TNIK: variants seen among roughly 807,000 people sequenced by gnomAD.
TNIK encodes the protein TRAF2 and NCK interacting kinase.
A neutral mutation model predicts 191.3 loss-of-function variants in TNIK; 49 were observed. That is an observed-to-expected ratio of 0.26 (90% CI 0.20 to 0.32). The LOEUF is 0.32. Among genes scored for constraint, TNIK ranks in the 10% least tolerant of loss-of-function variants. The probability of loss-of-function intolerance (pLI) is 1.00; values close to 1 mark genes in which losing one functional copy is unlikely to be tolerated. For missense variants in TNIK, 1,155 were observed against 1,702.3 expected (o/e 0.68, Z 5.66); for synonymous variants, 594 against 600.9 (o/e 0.99, Z 0.17).
At chr3:171,302,591 T>C (rs1335063477) in intron 2 of TNIK, among the ~76,000 whole-genome samples, 2 of 152,312 alleles carry the variant, frequency 1.3e-5, no homozygotes, top group East Asian at 3.9e-4. Flanking sequence ...TAAAATTTTC[T>C]TTTGAATTAT....
chr3:171,391,528 T>C (rs1416213409), intron 1 of TNIK, among the ~76,000 whole-genome samples: 1 of 152,198 alleles, frequency 6.6e-6, no homozygotes, highest in Non-Finnish European at 1.5e-5. Context: ...CTGTAATAAA[T>C]CTTATCTTTC....
intron 2 of TNIK, among the ~76,000 whole-genome samples, chr3:171,237,971 C>T (rs968269971): frequency 1.7e-4 from 26 of 152,168 alleles, no homozygotes; most frequent in African/African-American, 6.0e-4. Context: ...CATTCTTTAA[C>T]AGTCCCATTA....
chr3:171,409,686 C>T (rs1722140074), intron 1 of TNIK, among the ~76,000 whole-genome samples: 1 of 150,686 alleles, frequency 6.6e-6, no homozygotes, highest in South Asian at 2.1e-4. Flanking sequence ...AATGAAACCT[C>T]ATTCCCGTCC....
At chr3:171,311,269 C>T (rs1027842087) in intron 2 of TNIK, among the ~76,000 whole-genome samples, 2 of 151,540 alleles carry the variant, frequency 1.3e-5, no homozygotes, top group Admixed American at 6.6e-5. Context: ...AATAGTTTTG[C>T]GCGAAGTATT....
rs746453154 is a variant in TNIK at position 171,082,140 on chromosome 3, T to C, written c.3313+111A>G. ...TCACTCTGGCTATACTGCTATACTT[T>C]ATTGTGTTGTTTGTTAGCTGGGAAG... On this transcript the variant is annotated intron_variant, in intron 27 of 32. Coordinates refer to ENST00000436636, the MANE Select transcript of TNIK (RefSeq NM_015028.4). 3.0e-4 allele frequency: 420 copies of C among 1,414,388 alleles called. 2 individuals are homozygous for C. Among genetic ancestry groups the C allele is most frequent in the Middle Eastern group, 2.2e-4 (1 of 4,558 alleles). The allele number at this position is 1,414,388 out of a possible 1,614,324, so 87.6% of individuals were successfully genotyped here.
intron 27 of TNIK, among the ~76,000 whole-genome samples, 169 bp from the exon 28 acceptor site, chr3:171,079,821 G>C (rs907123053): frequency 4.6e-5 from 7 of 152,132 alleles, no homozygotes; most frequent in Admixed American, 2.6e-4. Flanking sequence ...GTTTCTGCCA[G>C]AACTTATGGT....
At chr3:171,400,318 ACTTTGG>A (rs1188164820) in intron 1 of TNIK, among the ~76,000 whole-genome samples, 1 of 152,080 alleles carries the variant, frequency 6.6e-6, no homozygotes, top group African/African-American at 2.4e-5. Flanking sequence ...TAATCCCAAC[ACTTTGG>A]GAGGCCAAGG....
At chr3:171,432,586 G>A (rs1164247170) in intron 1 of TNIK, among the ~76,000 whole-genome samples, 1 of 152,122 alleles carries the variant, frequency 6.6e-6, no homozygotes, top group Admixed American at 6.5e-5. Context: ...TTAGCCCTAA[G>A]CCTCTCTTTC....
At chr3:171,268,671 G>A (rs968389838) in intron 2 of TNIK, among the ~76,000 whole-genome samples, 1 of 151,896 alleles carries the variant, frequency 6.6e-6, no homozygotes, top group African/African-American at 2.4e-5. Context: ...GAGACTAGCT[G>A]TAGGAATGGA....
At position 171,362,854 on chromosome 3, in the gene TNIK, A is replaced by G. The variant is rs116828046; in HGVS notation, c.123+6766T>C. The stretch of plus-strand genomic sequence containing the variant: ...TCATTATACTCTTTCCACTTATAAA[A>G]ATGCTCAATTACACTCCCAGATACA... On this transcript the variant is annotated intron_variant, in intron 2 of 32. Transcript: ENST00000436636. Among the ~76,000 whole-genome samples, 730 of 152,230 alleles carry G rather than the reference A, an allele frequency of 4.8e-3. 4 individuals are homozygous for G. The highest frequency in any genetic ancestry group is 0.017 in the African/African-American group (694 of 41,518).
In TNIK at chr3:171,136,361, C is replaced by T. The variant is rs191398238; in HGVS notation, c.1608+1830G>A. On this transcript the variant is annotated intron_variant, in intron 15 of 32. Coordinates refer to ENST00000436636, the MANE Select transcript of TNIK (RefSeq NM_015028.4). ...GAATCTCTAAGGCCCTCCTGAATTG[C>T]AGTAATGGACAACTCGGGGCTTGTC... Among the ~76,000 whole-genome samples the T allele has an allele frequency of 1.6e-3, 244 of 152,308 alleles. 2 individuals are homozygous for T. The highest frequency in any genetic ancestry group is 5.7e-3 in the African/African-American group (237 of 41,566).
intron 2 of TNIK, among the ~76,000 whole-genome samples, chr3:171,295,928 A>C (rs1752239208): frequency 6.6e-6 from 1 of 152,218 alleles, no homozygotes; most frequent in African/African-American, 2.4e-5. Context: ...GGCCTAATGC[A>C]AGGTCGAGTA....
intron 2 of TNIK, among the ~76,000 whole-genome samples, chr3:171,238,482 C>G (rs1202192317): frequency 6.6e-6 from 1 of 151,956 alleles, no homozygotes; most frequent in Non-Finnish European, 1.5e-5. Flanking sequence ...AGCGGGGCAA[C>G]TTTGCTTCCC....
chr3:171,086,696 G>T (rs1044256290), intron 24 of TNIK, among the ~76,000 whole-genome samples: 15 of 152,194 alleles, frequency 9.9e-5, no homozygotes. Context: ...TGACAAGACT[G>T]TTAATGAAAC....
At chr3:171,282,546 G>T (rs998230899) in intron 2 of TNIK, among the ~76,000 whole-genome samples, 35 of 152,034 alleles carry the variant, frequency 2.3e-4, no homozygotes, top group African/African-American at 8.0e-4. Flanking sequence ...GTTTCGCCAT[G>T]TTGGCCAGGC....
At chr3:171,125,151 T>C (rs550535456) in intron 17 of TNIK, among the ~76,000 whole-genome samples, 1 of 152,350 alleles carries the variant, frequency 6.6e-6, no homozygotes, top group East Asian at 1.9e-4. Context: ...ACAGCCTCTA[T>C]GCTAATCTCA....
chr3:171,092,640 G>A (rs1308066049), intron 23 of TNIK, among the ~76,000 whole-genome samples: 1 of 152,192 alleles, frequency 6.6e-6, no homozygotes, highest in Non-Finnish European at 1.5e-5. Flanking sequence ...ACTCTTTAAA[G>A]GCTACTTGAA....
At chr3:171,084,688 TGAA>T (rs1247018992) in intron 25 of TNIK, among the ~76,000 whole-genome samples, 1 of 152,198 alleles carries the variant, frequency 6.6e-6, no homozygotes, top group Non-Finnish European at 1.5e-5. Flanking sequence ...ATTAATTACT[TGAA>T]GAAGATTAGA....
chr3:171,194,658 C>G (rs186976002), intron 4 of TNIK, 23 bp from the exon 5 acceptor site: 1 of 1,608,948 alleles, frequency 6.2e-7, no homozygotes, highest in Non-Finnish European at 8.5e-7. Context: ...GCAAACAAGC[C>G]ATTATTTTAA....
Sources: gnomAD v4.1 joint callset for allele counts (sites outside exome capture counted in the v4.1 genomes callset) on GRCh38, gnomAD v4.1.1 for gene constraint, MANE v1.5 for transcripts, NCBI Gene and HGNC (gene_info 2026-07-23, HGNC 2026-07-21) for gene names.